Variants in WDR72 observed in about 807,000 individuals in gnomAD.
The protein encoded by WDR72 is WD repeat domain 72.
Under a neutral mutation model 124.2 loss-of-function variants are expected in WDR72, and 120 were observed. That is an observed-to-expected ratio of 0.97 (90% CI 0.83 to 1.12). The LOEUF (loss-of-function observed/expected upper bound fraction) is 1.12, where lower values mean the gene tolerates loss of function less well. Among genes scored for constraint, WDR72 ranks in the 50% most tolerant of loss-of-function variants. The pLI is 0.00. For missense variants in WDR72, 1,387 were observed against 1,278.8 expected, an observed-to-expected ratio of 1.08 and a Z score of -1.29; for synonymous variants, 452 against 441.7, an observed-to-expected ratio of 1.02 and a Z score of -0.29.
At chr15:53,521,159 AAAG>A (rs1794204748) in intron 19 of WDR72, among the ~76,000 whole-genome samples, 2 of 152,136 alleles carry the variant, frequency 1.3e-5, no homozygotes, top group African/African-American at 4.8e-5. Context: ...CAAAGTGCAG[AAAG>A]AAATCCTAAA....
rs189353066 is a variant in WDR72 at position 53,676,485 on chromosome 15, T to C, written c.1766-10717A>G. ...AACATTGGAAGTATTTGATGTGCCA[T>C]TGCTAGCTTGGAAGTGGCAGGAGGC... On this transcript the variant is annotated intron_variant, in intron 13 of 19. Coordinates refer to ENST00000360509, the MANE Select transcript of WDR72 (RefSeq NM_182758.4). 1.2e-4 allele frequency among the ~76,000 whole-genome samples: 19 copies of C among 152,330 alleles called. 1 individual carries two copies. The highest frequency in any genetic ancestry group is 3.4e-3 in the Middle Eastern group (1 of 294).
chr15:53,569,154 G>A (rs1437882603), intron 18 of WDR72, among the ~76,000 whole-genome samples: 1 of 151,868 alleles, frequency 6.6e-6, no homozygotes, highest in African/African-American at 2.4e-5. Flanking sequence ...CTGAAGACCA[G>A]TCTTCTGTGA....
intron 7 of WDR72, among the ~76,000 whole-genome samples, chr15:53,712,228 A>AT (rs1481104676): frequency 6.6e-6 from 1 of 152,164 alleles, no homozygotes; most frequent in Non-Finnish European, 1.5e-5. Context: ...ATATCTTGGG[A>AT]TACAAAACTG....
At position 53,711,428 on chromosome 15, in the gene WDR72, C is replaced by T. The variant is rs752916295; in HGVS notation, c.765G>A (p.Gly255=). The T allele has an allele frequency of 2.5e-6, 4 of 1,614,052 alleles. No individual in the cohort carries two copies. The highest frequency in any genetic ancestry group is 3.3e-4 in the Middle Eastern group (2 of 6,062). Residue 255 remains glycine (G), a synonymous_variant, in exon 8 of 20, where the codon GGG becomes GGA. Coordinates refer to ENST00000360509, the MANE Select transcript of WDR72 (RefSeq NM_182758.4). ...TCACTTCTCCACCAGCAAAGAACTGCCCATTTCTACTAACTTCAGTCAGCA... is the reference window on the plus strand; with the variant it reads ...TCACTTCTCCACCAGCAAAGAACTGTCCATTTCTACTAACTTCAGTCAGCA... ...SLLLTEVSRN[G]QFFAGGEVIA...
intron 14 of WDR72, among the ~76,000 whole-genome samples, chr15:53,656,305 C>T (rs1336341912): frequency 6.6e-6 from 1 of 152,006 alleles, no homozygotes; most frequent in Non-Finnish European, 1.5e-5. Flanking sequence ...ACTGGTGGTG[C>T]CTTCAGGGCA....
chr15:53,641,180 A>T (rs2140411962), intron 14 of WDR72, among the ~76,000 whole-genome samples: 1 of 152,146 alleles, frequency 6.6e-6, no homozygotes, highest in South Asian at 2.1e-4. Flanking sequence ...TTTATACAAA[A>T]ATCACACTCA....
chr15:53,538,096 T>A lies in WDR72; in HGVS notation c.3149-14774A>T, dbSNP rs558668253. Among the ~76,000 whole-genome samples the A allele has an allele frequency of 1.1e-4, 17 of 152,334 alleles. 1 individual carries two copies. Among genetic ancestry groups the A allele is most frequent in the African/African-American group, 2.4e-4 (10 of 41,596 alleles). On this transcript the variant is annotated intron_variant, in intron 18 of 19. Transcript: ENST00000360509. ...GGAAAGTTATTCTAAATAGCTTTTT[T>A]AATTTTTTGCTGATAAATTAAATAA...
chr15:53,587,763 A>C (rs1238722730), intron 18 of WDR72, among the ~76,000 whole-genome samples: 2 of 152,022 alleles, frequency 1.3e-5, no homozygotes, highest in Admixed American at 1.3e-4. Flanking sequence ...TCAGTTACCA[A>C]AGAGTGTTTT....
intron 13 of WDR72, among the ~76,000 whole-genome samples, chr15:53,683,541 C>T (rs1353267563): frequency 1.3e-5 from 2 of 152,018 alleles, no homozygotes; most frequent in African/African-American, 4.8e-5. Context: ...CATTTTTATA[C>T]TAACTGAATC....
At chr15:53,569,424 C>T (rs561641360) in intron 18 of WDR72, among the ~76,000 whole-genome samples, 14 of 152,142 alleles carry the variant, frequency 9.2e-5, no homozygotes, top group Admixed American at 2.0e-4. Flanking sequence ...ATCAGCCACA[C>T]AGGCAACCTG....
intron 13 of WDR72, among the ~76,000 whole-genome samples, chr15:53,691,707 T>C (rs2016851466): frequency 6.6e-6 from 1 of 152,110 alleles, no homozygotes; most frequent in African/African-American, 2.4e-5. Flanking sequence ...GTATTCCACA[T>C]ACAGTAACTT....
At position 53,740,906 on chromosome 15, in the gene WDR72, G is replaced by A. The variant is rs141913070; in HGVS notation, c.-12-7745C>T. On this transcript the variant is annotated intron_variant, in intron 1 of 19. Coordinates refer to ENST00000360509, the MANE Select transcript of WDR72 (RefSeq NM_182758.4). ...CAGGGTTGTTGTGAGAATGAAATGAGATCATGCACACAGTGTGGAGCAGAG... is the reference window on the plus strand; with the variant it reads ...CAGGGTTGTTGTGAGAATGAAATGAAATCATGCACACAGTGTGGAGCAGAG... Among the ~76,000 whole-genome samples the A allele has an allele frequency of 5.3e-4, 81 of 152,274 alleles. 1 individual carries two copies. The East Asian group carries it at 5.6e-3, about 11-fold the overall frequency.
chr15:53,611,543 G>C (rs2013538807), intron 16 of WDR72, among the ~76,000 whole-genome samples: 1 of 152,002 alleles, frequency 6.6e-6, no homozygotes, highest in South Asian at 2.1e-4. Flanking sequence ...ACCCTAATAA[G>C]AGTAACTATC....
Position 53,733,115 on chromosome 15 carries a change from C to A in WDR72, c.35G>T (p.Gly12Val), listed in dbSNP as rs2018251574. The change falls in exon 2 of 20, where the codon GGA becomes GTA. Residue 12 changes from glycine to valine, a missense_variant. Transcript: ENST00000360509. ...GATGCTGTGGGGAGGGGCCTTCTGT[C>A]CCCAGAGTGCCACTGCCTGCAGGGA... Reference protein sequence around the residue: ...RTSLQAVALWGQKAPPHSITA... With the variant: ...RTSLQAVALWVQKAPPHSITA... The A allele has an allele frequency of 1.2e-6, 2 of 1,613,954 alleles. No homozygotes were observed. Among genetic ancestry groups the A allele is most frequent in the Non-Finnish European group, 1.7e-6 (2 of 1,179,950 alleles).
chr15:53,731,828 T>C (rs2018211305), intron 2 of WDR72, among the ~76,000 whole-genome samples: 2 of 152,144 alleles, frequency 1.3e-5, no homozygotes, highest in South Asian at 2.1e-4. Flanking sequence ...ACTTACAGCA[T>C]GCACTCAACA....
intron 11 of WDR72, among the ~76,000 whole-genome samples, chr15:53,702,581 AT>A (rs2017217822): frequency 6.6e-6 from 1 of 152,190 alleles, no homozygotes; most frequent in African/African-American, 2.4e-5. Context: ...TTCAAAGTCT[AT>A]TAATTCTAGG....
chr15:53,522,190 T>C (rs1891841356), intron 19 of WDR72, among the ~76,000 whole-genome samples: 2 of 152,060 alleles, frequency 1.3e-5, no homozygotes, highest in South Asian at 2.1e-4. Context: ...GCTGCACCTT[T>C]CACTGAAAAT....
At chr15:53,540,170 G>T (rs1893001492) in intron 18 of WDR72, among the ~76,000 whole-genome samples, 1 of 152,198 alleles carries the variant, frequency 6.6e-6, no homozygotes, top group Non-Finnish European at 1.5e-5. Context: ...GATAGATAAT[G>T]TTAGCACATA....
Position 53,516,167 on chromosome 15 carries a change from C to T in WDR72, c.*1532G>A, listed in dbSNP as rs1246344558. On this transcript the variant is annotated 3_prime_UTR_variant, in exon 20 of 20. Coordinates refer to ENST00000360509, the MANE Select transcript of WDR72 (RefSeq NM_182758.4). ...TTTTCCATGATTATTCATATTAATG[C>T]TATGTTAGTTTCTAAACTTCAACTC... 2 of 152,044 alleles carry T rather than the reference C, an allele frequency of 1.3e-5. No homozygotes were observed. Among genetic ancestry groups the T allele is most frequent in the Non-Finnish European group, 2.9e-5 (2 of 67,986 alleles). The allele number at this position is 152,044 out of a possible 1,614,324, so 9.4% of individuals were successfully genotyped here.
Sources: gnomAD v4.1 joint callset for allele counts (sites outside exome capture counted in the v4.1 genomes callset) on GRCh38, gnomAD v4.1.1 for gene constraint, MANE v1.5 for transcripts, NCBI Gene and HGNC (gene_info 2026-07-23, HGNC 2026-07-21) for gene names.